Variants in DACH2 observed in about 807,000 individuals in gnomAD.
DACH2 encodes the protein dachshund family transcription factor 2.
Under a neutral mutation model 35.8 loss-of-function variants are expected in DACH2, and 17 were observed. That is an observed-to-expected ratio of 0.48 (90% CI 0.33 to 0.71). The LOEUF (loss-of-function observed/expected upper bound fraction) is 0.71, where lower values mean the gene tolerates loss of function less well. DACH2 is among the 30% of genes least tolerant of loss of function. DACH2 has a pLI of 0.02. For missense variants in DACH2, 469 were observed against 472.7 expected, an observed-to-expected ratio of 0.99 and a Z score of 0.07; for synonymous variants, 195 against 177.3, an observed-to-expected ratio of 1.10 and a Z score of -0.79.
chrX:86,296,380 C>CAAAAAA (rs61713614), intron 1 of DACH2, among the ~76,000 whole-genome samples: 51 of 68,425 alleles, frequency 7.5e-4, no homozygotes, highest in Non-Finnish European at 1.2e-3. Flanking sequence ...GACTCCATCT[C>CAAAAAA]AAAAAAAAAA....
chrX:86,434,339 A>G (rs1281363655), intron 2 of DACH2, among the ~76,000 whole-genome samples: 2 of 111,557 alleles, frequency 1.8e-5, no homozygotes, highest in Non-Finnish European at 3.8e-5. Context: ...AAACAATCTA[A>G]TTATACTTAT....
chrX:86,232,916 C>T (rs2032980885), intron 1 of DACH2, among the ~76,000 whole-genome samples: 2 of 111,803 alleles, frequency 1.8e-5, no homozygotes, highest in South Asian at 3.7e-4. Flanking sequence ...GAACTTTTTA[C>T]GATAGCAAGG....
At chrX:86,454,872 C>G (rs2037446779) in intron 2 of DACH2, among the ~76,000 whole-genome samples, 1 of 111,981 alleles carries the variant, frequency 8.9e-6, no homozygotes, top group Non-Finnish European at 1.9e-5. Flanking sequence ...TTTGAATTTT[C>G]AGCATTTTTG....
intron 3 of DACH2, among the ~76,000 whole-genome samples, chrX:86,543,683 G>T (rs2038917334): frequency 9.1e-6 from 1 of 110,261 alleles, no homozygotes; most frequent in Non-Finnish European, 1.9e-5. Flanking sequence ...GAATACAGTT[G>T]CAATAGTTTA....
chrX:86,295,006 GC>G (rs2034413814), intron 1 of DACH2, among the ~76,000 whole-genome samples: 1 of 112,592 alleles, frequency 8.9e-6, no homozygotes, highest in African/African-American at 3.2e-5. Flanking sequence ...AATGGCGGGC[GC>G]CCCTCCTCCA....
chrX:86,538,225 A>G (rs1039775672), intron 3 of DACH2, among the ~76,000 whole-genome samples: 29 of 111,156 alleles, frequency 2.6e-4, no homozygotes, highest in African/African-American at 9.5e-4. Flanking sequence ...TACTATCCAT[A>G]CTTCTCTCAG....
intron 2 of DACH2, among the ~76,000 whole-genome samples, chrX:86,506,501 C>G (rs756139866): frequency 6.3e-5 from 7 of 112,000 alleles, no homozygotes; most frequent in African/African-American, 1.9e-4. Flanking sequence ...TCAAGTGATC[C>G]TTCTGCCTCA....
rs1043489735 is a variant in DACH2 at position 86,629,427 on chromosome X, C to G, written c.641-21609C>G. On this transcript the variant is annotated intron_variant, in intron 3 of 11. Transcript: ENST00000373125. ...TATAAAAATGCTCAAATAAGTCACC[C>G]TAGGGCAGAGTGCAACTTACTGGAA... Among the ~76,000 whole-genome samples the G allele has an allele frequency of 4.5e-5, 5 of 111,062 alleles. No homozygotes were observed. The Admixed American group carries it at 4.8e-4, about 11-fold the overall frequency.
chrX:86,801,717 G>T (rs1396590889), intron 7 of DACH2, among the ~76,000 whole-genome samples: 2 of 111,937 alleles, frequency 1.8e-5, no homozygotes, highest in Admixed American at 9.5e-5. Flanking sequence ...AGTTTTCCAT[G>T]ATAGAGTCAT....
At chrX:86,368,732 A>G (rs1177697296) in intron 1 of DACH2, among the ~76,000 whole-genome samples, 2 of 109,307 alleles carry the variant, frequency 1.8e-5, no homozygotes, top group Non-Finnish European at 3.8e-5. Flanking sequence ...TCAGCTAATT[A>G]CAAAAAAATT....
intron 5 of DACH2, among the ~76,000 whole-genome samples, chrX:86,696,560 A>G (rs181104793): frequency 1.2e-4 from 13 of 111,913 alleles, no homozygotes; most frequent in African/African-American, 3.6e-4. Context: ...AAAAAAGATA[A>G]ACAAACTGAA....
intron 11 of DACH2, chrX:86,827,784 A>G: frequency 8.6e-7 from 1 of 1,166,540 alleles, no homozygotes; most frequent in Non-Finnish European, 1.1e-6. Context: ...CTGATGCCGG[A>G]ACTCCAACTG....
At chrX:86,483,357 C>T (rs1252539688) in intron 2 of DACH2, among the ~76,000 whole-genome samples, 1 of 110,744 alleles carries the variant, frequency 9.0e-6, no homozygotes, top group Admixed American at 9.6e-5. Flanking sequence ...TTATATCATT[C>T]GAATTGCCTC....
Position 86,182,842 on chromosome X carries a change from T to G in DACH2, c.488+33734T>G, listed in dbSNP as rs1360676717. 1.8e-5 allele frequency among the ~76,000 whole-genome samples: 2 copies of G among 111,737 alleles called. 1 individual carries two copies. The highest frequency in any genetic ancestry group is 6.5e-5 in the African/African-American group (2 of 30,743). On this transcript the variant is annotated intron_variant, in intron 1 of 11. Coordinates refer to ENST00000373125, the MANE Select transcript of DACH2 (RefSeq NM_053281.3). ...TTTTTCCATTTGTTTGTGTCCTCTT[T>G]TATTTCATTGAGCAGTGGTTTGTAG... is the stretch of plus-strand genomic sequence containing the variant.
intron 7 of DACH2, among the ~76,000 whole-genome samples, chrX:86,755,321 C>T (rs764402131): frequency 9.9e-5 from 11 of 111,381 alleles, no homozygotes; most frequent in Non-Finnish European, 1.9e-4. Flanking sequence ...GGATATTAAT[C>T]TCTTGCTGGA....
chrX:86,268,126 C>T (rs1475583391), intron 1 of DACH2, among the ~76,000 whole-genome samples: 3 of 112,055 alleles, frequency 2.7e-5, no homozygotes, highest in Non-Finnish European at 5.6e-5. Context: ...TTCAACTTTG[C>T]GTGTGAAAAG....
At chrX:86,489,574 A>G (rs1474688037) in intron 2 of DACH2, among the ~76,000 whole-genome samples, 1 of 111,425 alleles carries the variant, frequency 9.0e-6, no homozygotes, top group Non-Finnish European at 1.9e-5. Flanking sequence ...AATTAGCTTG[A>G]CTTAGCCATT....
At chrX:86,720,205 G>A (rs186576618) in intron 6 of DACH2, among the ~76,000 whole-genome samples, 1,822 of 109,896 alleles carry the variant, frequency 0.017, 45 homozygotes, top group African/African-American at 0.058. Flanking sequence ...CCAAAGTGCT[G>A]GGATTACAGC....
At chrX:86,381,563 C>T (rs2036046655) in intron 2 of DACH2, among the ~76,000 whole-genome samples, 2 of 110,846 alleles carry the variant, frequency 1.8e-5, no homozygotes, top group Non-Finnish European at 3.8e-5. Flanking sequence ...TAACTCTGCA[C>T]ATAAATCTGT....
Sources: gnomAD v4.1 joint callset for allele counts (sites outside exome capture counted in the v4.1 genomes callset) on GRCh38, gnomAD v4.1.1 for gene constraint, MANE v1.5 for transcripts, NCBI Gene and HGNC (gene_info 2026-07-23, HGNC 2026-07-21) for gene names.